Variants in FAM107B observed in about 807,000 individuals in gnomAD.
The protein encoded by FAM107B is protein FAM107B.
Under a neutral mutation model 31.5 loss-of-function variants are expected in FAM107B, and 21 were observed. That is an observed-to-expected ratio of 0.67 (90% CI 0.47 to 0.96). The LOEUF is 0.96. FAM107B is among the 40% of genes least tolerant of loss of function. The pLI, the probability that FAM107B is intolerant of heterozygous loss-of-function variation, is 0.00. For synonymous variants in FAM107B, 157 were observed against 141.5 expected, an observed-to-expected ratio of 1.11 and a Z score of -0.78; for missense variants, 452 against 377.1, an observed-to-expected ratio of 1.20 and a Z score of -1.64.
intron 2 of FAM107B, chr10:14,553,372 T>A (rs1849430857): frequency 7.8e-7 from 1 of 1,280,572 alleles, no homozygotes; most frequent in South Asian, 1.3e-5. Context: ...ACAAAATTAG[T>A]TTCAACTGCA....
intron 1 of FAM107B, among the ~76,000 whole-genome samples, chr10:14,738,740 T>C (rs1955196): frequency 0.52 from 79,702 of 151,990 alleles, 23,727 homozygotes; most frequent in African/African-American, 0.83. Context: ...GGTAAGGAAT[T>C]CGGACATTAC....
chr10:14,752,107 CCA>C (rs746038863), intron 1 of FAM107B, among the ~76,000 whole-genome samples: 1 of 152,142 alleles, frequency 6.6e-6, no homozygotes, highest in African/African-American at 2.4e-5. Context: ...TGTTGGTTTC[CCA>C]ATATCCCATC....
chr10:14,744,044 A>G (rs1177052253), intron 1 of FAM107B, among the ~76,000 whole-genome samples: 1 of 152,156 alleles, frequency 6.6e-6, no homozygotes, highest in South Asian at 2.1e-4. Context: ...AGTGGTTTGT[A>G]GTTCTCCTTG....
At chr10:14,524,978 A>G (rs1156799204) in intron 3 of FAM107B, among the ~76,000 whole-genome samples, 2 of 152,258 alleles carry the variant, frequency 1.3e-5, no homozygotes, top group African/African-American at 4.8e-5. Context: ...AATATGTAGT[A>G]ACAAAAAATT....
intron 1 of FAM107B, among the ~76,000 whole-genome samples, chr10:14,762,575 T>A (rs147124927): frequency 0.035 from 5,308 of 150,518 alleles, 301 homozygotes; most frequent in African/African-American, 0.12. Context: ...GCCAACATGG[T>A]GAAACCCTGT....
At chr10:14,678,985 G>C (rs1366784256) in intron 1 of FAM107B, among the ~76,000 whole-genome samples, 1 of 152,250 alleles carries the variant, frequency 6.6e-6, no homozygotes, top group Non-Finnish European at 1.5e-5. Flanking sequence ...AGTGAGCAGA[G>C]AGGGAAGCAG....
At chr10:14,649,240 T>C (rs1304293036) in intron 2 of FAM107B, among the ~76,000 whole-genome samples, 1 of 152,214 alleles carries the variant, frequency 6.6e-6, no homozygotes, top group Non-Finnish European at 1.5e-5. Context: ...GATAACCACA[T>C]GACAGACAGC....
chr10:14,734,101 T>C (rs557857977), intron 1 of FAM107B, among the ~76,000 whole-genome samples: 2 of 148,942 alleles, frequency 1.3e-5, no homozygotes, highest in African/African-American at 2.5e-5. Context: ...TAAAAAAAAA[T>C]ATATACAACT....
intron 1 of FAM107B, chr10:14,723,698 A>T: frequency 1.3e-6 from 1 of 755,332 alleles, no homozygotes; most frequent in Non-Finnish European, 2.4e-6. Context: ...ACAAGAAGTC[A>T]TGGCTCCCAG....
At chr10:14,566,763 C>T (rs1197784934) in intron 2 of FAM107B, among the ~76,000 whole-genome samples, 3 of 152,196 alleles carry the variant, frequency 2.0e-5, no homozygotes, top group Non-Finnish European at 4.4e-5. Context: ...GAGGAGAGTT[C>T]CAAGAAGAGC....
At chr10:14,633,289 T>C (rs894845024) in intron 2 of FAM107B, among the ~76,000 whole-genome samples, 6 of 152,142 alleles carry the variant, frequency 3.9e-5, no homozygotes, top group African/African-American at 1.2e-4. Flanking sequence ...AAGTCTTTAA[T>C]TGTGAAACTA....
At chr10:14,747,810 T>C (rs368445553) in intron 1 of FAM107B, among the ~76,000 whole-genome samples, 3 of 152,212 alleles carry the variant, frequency 2.0e-5, no homozygotes, top group African/African-American at 7.2e-5. Context: ...AATGAAGCAC[T>C]CTGGCTGCCC....
chr10:14,650,528 C>T (rs1853872205), intron 2 of FAM107B, among the ~76,000 whole-genome samples: 1 of 152,148 alleles, frequency 6.6e-6, no homozygotes, highest in Non-Finnish European at 1.5e-5. Context: ...TGAGGTAATC[C>T]TCCCACCCTG....
At chr10:14,668,320 G>A (rs1854460341) in intron 1 of FAM107B, among the ~76,000 whole-genome samples, 2 of 152,284 alleles carry the variant, frequency 1.3e-5, no homozygotes, top group Non-Finnish European at 2.9e-5. Flanking sequence ...TGGGGTTCCA[G>A]GAGTGAGCCA....
intron 2 of FAM107B, among the ~76,000 whole-genome samples, chr10:14,630,622 G>C (rs57098572): frequency 0.04 from 6,095 of 152,028 alleles, 153 homozygotes; most frequent in Middle Eastern, 0.071. Flanking sequence ...CCAGGAGTTC[G>C]AGACCAGTCT....
At chr10:14,654,325 G>A (rs1285879867) in intron 2 of FAM107B, among the ~76,000 whole-genome samples, 5 of 152,112 alleles carry the variant, frequency 3.3e-5, no homozygotes, top group Non-Finnish European at 7.3e-5. Context: ...AACCTTTCGG[G>A]TCTTCAGAAT....
At chr10:14,701,601 C>T (rs1855400147) in intron 1 of FAM107B, among the ~76,000 whole-genome samples, 1 of 152,084 alleles carries the variant, frequency 6.6e-6, no homozygotes, top group Admixed American at 6.6e-5. Context: ...CTATCTCTCA[C>T]AGAATCATCG....
intron 2 of FAM107B, among the ~76,000 whole-genome samples, chr10:14,544,850 G>A (rs73599395): frequency 6.6e-6 from 1 of 152,140 alleles, no homozygotes; most frequent in East Asian, 1.9e-4. Context: ...GCACTAAATA[G>A]GAGAAAAACA....
intron 2 of FAM107B, among the ~76,000 whole-genome samples, chr10:14,654,423 G>A (rs1411320441): frequency 6.6e-6 from 1 of 152,142 alleles, no homozygotes; most frequent in East Asian, 1.9e-4. Context: ...ATTCATTAAT[G>A]AAAGCCATAA....
Sources: gnomAD v4.1 joint callset for allele counts (sites outside exome capture counted in the v4.1 genomes callset) on GRCh38, gnomAD v4.1.1 for gene constraint, MANE v1.5 for transcripts, NCBI Gene and HGNC (gene_info 2026-07-23, HGNC 2026-07-21) for gene names.